RNF180: variants seen among roughly 807,000 people sequenced by gnomAD.
The protein encoded by RNF180 is ring finger protein 180.
Under a neutral mutation model 59.2 loss-of-function variants are expected in RNF180, and 38 were observed. The ratio of observed to expected loss-of-function variants is 0.64; its 90% confidence interval spans 0.50 to 0.84. RNF180 has a LOEUF of 0.84. Ranked by LOEUF, RNF180 falls within the 40% of genes least tolerant of loss-of-function variation. The pLI, the probability that RNF180 is intolerant of heterozygous loss-of-function variation, is 0.00. For synonymous variants in RNF180, 262 were observed against 240.3 expected, an observed-to-expected ratio of 1.09 and a Z score of -0.84; for missense variants, 705 against 700.9, an observed-to-expected ratio of 1.01 and a Z score of -0.07.
chr5:64,237,921 T>G (rs1165616431), intron 5 of RNF180, among the ~76,000 whole-genome samples: 3 of 152,152 alleles, frequency 2.0e-5, no homozygotes, highest in Admixed American at 6.5e-5. Context: ...CCTCCATGAT[T>G]GCAAGTTTCC....
intron 5 of RNF180, among the ~76,000 whole-genome samples, chr5:64,224,684 G>A (rs1741564916): frequency 6.6e-6 from 1 of 152,234 alleles, no homozygotes; most frequent in African/African-American, 2.4e-5. Flanking sequence ...GGAAATGTCA[G>A]TTGGGAGGTA....
Position 64,205,492 on chromosome 5 carries a change from A to G in RNF180, c.135+4550A>G, listed in dbSNP as rs1751970184. Among the ~76,000 whole-genome samples the G allele has an allele frequency of 2.0e-5, 3 of 152,124 alleles. No homozygotes were observed. The South Asian group carries it at 6.2e-4, about 32-fold the overall frequency. On this transcript the variant is annotated intron_variant, in intron 2 of 7. Coordinates refer to ENST00000389100, the MANE Select transcript of RNF180 (RefSeq NM_001113561.2). ...AACAGAAATGGTCTCCATTTGTGCAATCTGTGTTAGGGAGTGGCGTCCTTA... is the reference window on the plus strand; with the variant it reads ...AACAGAAATGGTCTCCATTTGTGCAGTCTGTGTTAGGGAGTGGCGTCCTTA...
At chr5:64,303,083 T>TA (rs1302340776) in intron 5 of RNF180, among the ~76,000 whole-genome samples, 1 of 151,680 alleles carries the variant, frequency 6.6e-6, no homozygotes, top group African/African-American at 2.4e-5. Flanking sequence ...TAATATCTGT[T>TA]ATGGTAATCT....
intron 5 of RNF180, among the ~76,000 whole-genome samples, chr5:64,227,225 G>T (rs1580058056): frequency 6.6e-6 from 1 of 152,276 alleles, no homozygotes; most frequent in East Asian, 1.9e-4. Context: ...CAGCCTTGGG[G>T]AAAGGAAGTT....
intron 5 of RNF180, among the ~76,000 whole-genome samples, chr5:64,244,175 G>A (rs1367979599): frequency 6.6e-6 from 1 of 152,142 alleles, no homozygotes; most frequent in Admixed American, 6.5e-5. Flanking sequence ...AAACCAGAAT[G>A]CCTCTTCTCC....
Position 64,308,237 on chromosome 5 carries a change from C to T in RNF180, c.1228-16949C>T, listed in dbSNP as rs76431171. 2.6e-3 allele frequency among the ~76,000 whole-genome samples: 398 copies of T among 151,844 alleles called. 5 individuals are homozygous for T. Among genetic ancestry groups the T allele is most frequent in the African/African-American group, 9.3e-3 (385 of 41,502 alleles). ...CCACATTTGTGAATTTGCATACTCACTAAAATTTATTTGTAACTCCAAAAT... is the reference window on the plus strand; with the variant it reads ...CCACATTTGTGAATTTGCATACTCATTAAAATTTATTTGTAACTCCAAAAT... On this transcript the variant is annotated intron_variant, in intron 5 of 7. Transcript: ENST00000389100.
At chr5:64,300,614 G>T (rs555429665) in intron 5 of RNF180, among the ~76,000 whole-genome samples, 17 of 151,756 alleles carry the variant, frequency 1.1e-4, no homozygotes, top group African/African-American at 3.4e-4. Context: ...ATAAGCGGGG[G>T]ACTACTATAC....
chr5:64,219,022 A>G (rs1752773868), intron 5 of RNF180, among the ~76,000 whole-genome samples: 1 of 152,196 alleles, frequency 6.6e-6, no homozygotes, highest in South Asian at 2.1e-4. Flanking sequence ...TCTTCATTAT[A>G]GTATAATGCT....
chr5:64,260,260 A>G (rs184495985), intron 5 of RNF180, among the ~76,000 whole-genome samples: 16 of 152,242 alleles, frequency 1.1e-4, no homozygotes, highest in Non-Finnish European at 1.8e-4. Context: ...TGTGATTTAC[A>G]TCATCATTTT....
chr5:64,303,770 AG>A (rs774320194), intron 5 of RNF180, among the ~76,000 whole-genome samples: 62 of 151,794 alleles, frequency 4.1e-4, no homozygotes, highest in Non-Finnish European at 5.5e-4. Flanking sequence ...AGCTGCACCA[AG>A]TTATCTAGAA....
At chr5:64,169,378 G>A (rs1749818554) in intron 1 of RNF180, among the ~76,000 whole-genome samples, 1 of 152,178 alleles carries the variant, frequency 6.6e-6, no homozygotes, top group African/African-American at 2.4e-5. Context: ...AATAGGTTAG[G>A]TGTCCTCATT....
intron 1 of RNF180, among the ~76,000 whole-genome samples, chr5:64,168,202 C>T (rs935626648): frequency 1.3e-5 from 2 of 152,270 alleles, no homozygotes; most frequent in African/African-American, 2.4e-5. Context: ...AATCAAAAAA[C>T]TAATTCAGCT....
At chr5:64,168,700 A>G (rs1253529648) in intron 1 of RNF180, among the ~76,000 whole-genome samples, 1 of 152,208 alleles carries the variant, frequency 6.6e-6, no homozygotes, top group Non-Finnish European at 1.5e-5. Context: ...TCCATATTGT[A>G]TGTTTTGAGT....
chr5:64,330,747 C>T (rs1334065926), intron 7 of RNF180, among the ~76,000 whole-genome samples: 1 of 152,240 alleles, frequency 6.6e-6, no homozygotes, highest in Non-Finnish European at 1.5e-5. Context: ...ACAGCTGCTA[C>T]TATGAAGCCA....
At chr5:64,244,500 G>A (rs1441898186) in intron 5 of RNF180, among the ~76,000 whole-genome samples, 2 of 152,010 alleles carry the variant, frequency 1.3e-5, no homozygotes, top group Non-Finnish European at 2.9e-5. Context: ...GAGATTGAAG[G>A]TCAACTTAAT....
chr5:64,273,640 A>G (rs1038263716), intron 5 of RNF180, among the ~76,000 whole-genome samples: 1 of 152,048 alleles, frequency 6.6e-6, no homozygotes, highest in African/African-American at 2.4e-5. Flanking sequence ...CTCTAGTAAC[A>G]GCAGAAAGTG....
chr5:64,182,665 C>T (rs186033430), intron 1 of RNF180, among the ~76,000 whole-genome samples: 17 of 152,306 alleles, frequency 1.1e-4, no homozygotes, highest in Non-Finnish European at 1.5e-5. Context: ...GAGGCATTTA[C>T]TGCCAGATAG....
At chr5:64,181,964 G>A (rs997674129) in intron 1 of RNF180, among the ~76,000 whole-genome samples, 2 of 150,922 alleles carry the variant, frequency 1.3e-5, no homozygotes, top group East Asian at 3.9e-4. Flanking sequence ...TTTGTATGAG[G>A]GAAAAGTGCA....
chr5:64,352,334 T>A (rs1745849069), intron 7 of RNF180, among the ~76,000 whole-genome samples: 2 of 152,120 alleles, frequency 1.3e-5, no homozygotes, highest in African/African-American at 4.8e-5. Flanking sequence ...TCAATTTTGT[T>A]GATCTTTTCA....
Sources: gnomAD v4.1 joint callset for allele counts (sites outside exome capture counted in the v4.1 genomes callset) on GRCh38, gnomAD v4.1.1 for gene constraint, MANE v1.5 for transcripts, NCBI Gene and HGNC (gene_info 2026-07-23, HGNC 2026-07-21) for gene names.